SYT6: variants seen among roughly 807,000 people sequenced by gnomAD.
SYT6 encodes the protein synaptotagmin-6.
A neutral mutation model predicts 38.4 loss-of-function variants in SYT6; 24 were observed. The ratio of observed to expected loss-of-function variants is 0.62; its 90% CI spans 0.45 to 0.88. The LOEUF (loss-of-function observed/expected upper bound fraction) is 0.88. SYT6 is among the 40% of genes least tolerant of loss of function. SYT6 has a pLI of 0.00. For missense variants in SYT6, 611 were observed against 621.0 expected (o/e 0.98, Z 0.17); for synonymous variants, 265 against 241.9 (o/e 1.10, Z -0.89).
At chr1:114,133,110 C>A (rs1330477488) in intron 3 of SYT6, among the ~76,000 whole-genome samples, 5 of 152,112 alleles carry the variant, frequency 3.3e-5, no homozygotes, top group Non-Finnish European at 7.3e-5. Flanking sequence ...CTAAAACACA[C>A]ACACACACAA....
In SYT6 at chr1:114,137,913, T is replaced by A; in HGVS notation, c.653A>T (p.Asp218Val). ...GGCCTCAGACTTGGCATCCTCCCCATCCACCGACTTCTGCTTGTAGAGCTC... is the reference window on the plus strand; with the variant it reads ...GGCCTCAGACTTGGCATCCTCCCCAACCACCGACTTCTGCTTGTAGAGCTC... ...KPELYKQKSV[D>V]GEDAKSEATK... Residue 218 changes from aspartate to valine, a missense_variant, in exon 3 of 8, where the codon GAT (aspartate) becomes GTT (valine). Transcript: ENST00000610222. The A allele has an allele frequency of 6.2e-7, 1 of 1,613,920 alleles. No homozygotes were observed. The highest frequency in any genetic ancestry group is 8.5e-7 in the Non-Finnish European group (1 of 1,179,952).
chr1:114,116,211 G>T (rs1676987445), intron 3 of SYT6, among the ~76,000 whole-genome samples: 1 of 152,206 alleles, frequency 6.6e-6, no homozygotes, highest in Non-Finnish European at 1.5e-5. Flanking sequence ...TCTCACGAAA[G>T]TCACCTGTTA....
intron 1 of SYT6, among the ~76,000 whole-genome samples, chr1:114,144,780 G>A (rs1392489136): frequency 6.6e-6 from 1 of 152,048 alleles, no homozygotes; most frequent in Admixed American, 6.5e-5. Context: ...CACATCAGGG[G>A]CCAAGAAGGA....
At chr1:114,103,146 C>T (rs1384452953) in intron 4 of SYT6, among the ~76,000 whole-genome samples, 1 of 152,242 alleles carries the variant, frequency 6.6e-6, no homozygotes, top group Non-Finnish European at 1.5e-5. Context: ...CACAGAATTG[C>T]TGCCATAAGC....
chr1:114,147,927 A>G (rs1679238728), intron 1 of SYT6, among the ~76,000 whole-genome samples: 1 of 152,208 alleles, frequency 6.6e-6, no homozygotes, highest in South Asian at 2.1e-4. Context: ...TATACAGAAC[A>G]GACACAAAGC....
At chr1:114,129,712 C>T in intron 3 of SYT6, among the ~76,000 whole-genome samples, 1 of 148,780 alleles carries the variant, frequency 6.7e-6, no homozygotes, top group Non-Finnish European at 1.5e-5. Context: ...CTCTGTTGGC[C>T]AGTCTGATGG....
At chr1:114,100,844 G>A in intron 4 of SYT6, among the ~76,000 whole-genome samples, 1 of 152,174 alleles carries the variant, frequency 6.6e-6, no homozygotes, top group Non-Finnish European at 1.5e-5. Flanking sequence ...AAATCCATAA[G>A]GATGTACCTT....
chr1:114,115,212 T>C, intron 3 of SYT6, among the ~76,000 whole-genome samples: 2 of 152,318 alleles, frequency 1.3e-5, no homozygotes, highest in Admixed American at 1.3e-4. Context: ...ATGTTTAACA[T>C]GCCCCAGGGA....
chr1:114,130,763 C>T (rs564131520), intron 3 of SYT6, among the ~76,000 whole-genome samples: 12 of 152,258 alleles, frequency 7.9e-5, no homozygotes, highest in Admixed American at 2.0e-4. Flanking sequence ...TTTGAGGGCT[C>T]GTTGAAGACC....
At chr1:114,125,060 T>C (rs1445885292) in intron 3 of SYT6, among the ~76,000 whole-genome samples, 1 of 152,200 alleles carries the variant, frequency 6.6e-6, no homozygotes, top group East Asian at 1.9e-4. Context: ...AGGCCTGTTT[T>C]TGCACCCATT....
At chr1:114,115,666 C>T (rs147145395) in intron 3 of SYT6, among the ~76,000 whole-genome samples, 2 of 152,140 alleles carry the variant, frequency 1.3e-5, no homozygotes, top group East Asian at 1.9e-4. Flanking sequence ...CTGCCCGCCT[C>T]GGCCTCCCTA....
At chr1:114,116,234 A>G (rs1449978108) in intron 3 of SYT6, among the ~76,000 whole-genome samples, 1 of 152,156 alleles carries the variant, frequency 6.6e-6, no homozygotes, top group Admixed American at 6.5e-5. Context: ...TCATTCTCTC[A>G]CCAAGTGCCA....
intron 1 of SYT6, among the ~76,000 whole-genome samples, chr1:114,142,905 TTAA>T (rs1471355247): frequency 6.6e-6 from 1 of 152,178 alleles, no homozygotes; most frequent in Non-Finnish European, 1.5e-5. Context: ...TATTGCACAC[TTAA>T]TAGGCTACAG....
intron 3 of SYT6, among the ~76,000 whole-genome samples, chr1:114,105,915 C>T (rs1423907580): frequency 6.6e-6 from 1 of 152,170 alleles, no homozygotes; most frequent in Non-Finnish European, 1.5e-5. Flanking sequence ...GAGTGCCTGC[C>T]AGAGGCACCA....
chr1:114,145,067 T>G (rs1209954564), intron 1 of SYT6, among the ~76,000 whole-genome samples: 1 of 152,086 alleles, frequency 6.6e-6, no homozygotes, highest in South Asian at 2.1e-4. Flanking sequence ...CTAAGTCAAC[T>G]TCTATACTAA....
At chr1:114,127,727 CA>C (rs1204834940) in intron 3 of SYT6, among the ~76,000 whole-genome samples, 3 of 152,178 alleles carry the variant, frequency 2.0e-5, no homozygotes, top group Non-Finnish European at 4.4e-5. Flanking sequence ...GTGAGAGGTA[CA>C]AAGGAGAGGT....
intron 1 of SYT6, among the ~76,000 whole-genome samples, chr1:114,147,302 GAAGT>G (rs1679203249): frequency 1.3e-5 from 2 of 152,170 alleles, no homozygotes; most frequent in South Asian, 4.1e-4. Flanking sequence ...GAATTCCAAA[GAAGT>G]AAGAAGAAGA....
intron 4 of SYT6, among the ~76,000 whole-genome samples, chr1:114,101,069 T>A (rs1478647827): frequency 6.6e-6 from 1 of 152,128 alleles, no homozygotes; most frequent in Non-Finnish European, 1.5e-5. Context: ...CATTTTTTTT[T>A]AAGAGACAAG....
At position 114,091,965 on chromosome 1, in the gene SYT6, A is replaced by G. The variant is rs928716751; in HGVS notation, c.*169T>C. ...ACTGTTTAGACGGTTGAACAAGTGC[A>G]AAGAGAACATTGCTGAGTCCCATTT... On this transcript the variant is annotated 3_prime_UTR_variant, in exon 8 of 8. Coordinates refer to ENST00000610222, the MANE Select transcript of SYT6 (RefSeq NM_001253772.2). 2.4e-5 allele frequency: 36 copies of G among 1,528,476 alleles called. No homozygotes were observed. In the Admixed American group the frequency reaches 4.5e-4, roughly 19 times the overall value. 94.7% of individuals were successfully genotyped at this position (1,528,476 alleles called of 1,614,324 possible). A position where few individuals can be genotyped will look rare whatever the true frequency, so the allele number is the denominator to read the frequency against.
Sources: allele counts gnomAD v4.1 joint callset (sites outside exome capture counted in the v4.1 genomes callset), GRCh38; gene constraint gnomAD v4.1.1; transcripts MANE v1.5; gene names NCBI Gene and HGNC (gene_info 2026-07-23, HGNC 2026-07-21).